CAPRIN1: variants seen among roughly 807,000 people sequenced by gnomAD.
CAPRIN1 encodes caprin-1.
In CAPRIN1, 29 loss-of-function variants were observed where a neutral mutation model predicts 100.9. That is an observed-to-expected ratio of 0.29 (90% CI 0.21 to 0.39). CAPRIN1 has a LOEUF of 0.39. Among genes scored for constraint, CAPRIN1 ranks in the 10% least tolerant of loss-of-function variants. CAPRIN1 has a pLI of 1.00. For synonymous variants in CAPRIN1, 338 were observed against 307.5 expected, an observed-to-expected ratio of 1.10 and a Z score of -1.04; for missense variants, 795 against 876.7, an observed-to-expected ratio of 0.91 and a Z score of 1.18.
At chr11:34,090,399 T>G in intron 13 of CAPRIN1, 110 bp downstream of exon 13, 3 of 1,301,448 alleles carry the variant, frequency 2.3e-6, no homozygotes, top group Non-Finnish European at 3.3e-6. Context: ...CTACTTTGCT[T>G]TCATGAAATA....
intron 9 of CAPRIN1, among the ~76,000 whole-genome samples, chr11:34,085,683 A>G (rs1327673997): frequency 3.9e-5 from 6 of 152,158 alleles, no homozygotes; most frequent in African/African-American, 1.4e-4. Flanking sequence ...GGGTGCCTGT[A>G]ATCCCAGCTA....
In CAPRIN1 at chr11:34,090,494, T is replaced by C. The variant is rs143912660; in HGVS notation, c.1405-35T>C. The C allele has an allele frequency of 6.9e-4, 1,096 of 1,599,490 alleles. 7 individuals are homozygous for C. In the African/African-American group the frequency reaches 0.013, roughly 19 times the overall value. ...ACTTTTTGTTTGGCTAAGTTTAGTT[T>C]ACCGCTAAAGTGCATCTATTCACTT... On this transcript the variant is annotated intron_variant, in intron 13 of 18. Coordinates refer to ENST00000341394, the MANE Select transcript of CAPRIN1 (RefSeq NM_005898.5).
chr11:34,089,374 A>C (rs1851220803), intron 11 of CAPRIN1, 21 bp from the exon 12 acceptor site: 2 of 1,530,272 alleles, frequency 1.3e-6, no homozygotes, highest in South Asian at 2.3e-5. Flanking sequence ...TTTGACAAAA[A>C]TGTTTTGGTC....
rs1181622030 is a variant in CAPRIN1 at position 34,101,926 on chromosome 11, C to G, written c.*2559C>G. On this transcript the variant is annotated 3_prime_UTR_variant, in exon 19 of 19. Transcript: ENST00000341394. ...TTTGTATATGCATAATATAAATCAT[C>G]TCATGTGGATATGAAACTTCTTTTT... Among the ~76,000 whole-genome samples the G allele has an allele frequency of 6.6e-6, 1 of 152,068 alleles. No individual in the cohort carries two copies. The highest frequency in any genetic ancestry group is 1.5e-5 in the Non-Finnish European group (1 of 67,986).
rs780159062 is a variant in CAPRIN1 at position 34,052,534 on chromosome 11, T to C, written c.114T>C (p.Ala38=). The change falls in exon 2 of 19, where the codon GCT becomes GCC. Residue 38 remains alanine (A), a synonymous_variant. Coordinates refer to ENST00000341394, the MANE Select transcript of CAPRIN1 (RefSeq NM_005898.5). The part of the protein sequence containing the change: ...AAAGAGAAAP[A]SQHPATGTGA... ...CGGGAGCCGGGGCCGCCGCGCCGGC[T>C]TCTCAGCACCCCGCAACCGGCACCG... 3 of 1,606,556 alleles carry C rather than the reference T, an allele frequency of 1.9e-6. No homozygotes were observed. In the Admixed American group the frequency reaches 5.1e-5, roughly 27 times the overall value.
chr11:34,097,607 A>C, intron 17 of CAPRIN1, 91 bp from the exon 18 acceptor site: 1 of 1,429,912 alleles, frequency 7.0e-7, no homozygotes, highest in Non-Finnish European at 9.8e-7. Context: ...AGATTAAGGA[A>C]GAATTCTGTA....
chr11:34,079,195 G>C (rs1850962964), intron 6 of CAPRIN1, among the ~76,000 whole-genome samples: 1 of 152,180 alleles, frequency 6.6e-6, no homozygotes, highest in Non-Finnish European at 1.5e-5. Flanking sequence ...ATCGCCTGAG[G>C]TCAGACCTTC....
At chr11:34,090,709 GTATGTAA>G (rs768519184) in intron 14 of CAPRIN1, 31 bp downstream of exon 14, 4 of 1,593,622 alleles carry the variant, frequency 2.5e-6, no homozygotes, top group Non-Finnish European at 3.4e-6. Flanking sequence ...TAATTGCCTA[GTATGTAA>G]TATGAATCAT....
At chr11:34,052,768 C>A in intron 2 of CAPRIN1, 132 bp downstream of exon 2, 2 of 1,404,022 alleles carry the variant, frequency 1.4e-6, no homozygotes, top group East Asian at 2.5e-5. Flanking sequence ...CACCCCCTGG[C>A]CCACACGCCC....
intron 2 of CAPRIN1, among the ~76,000 whole-genome samples, chr11:34,067,368 A>G (rs1850719368): frequency 6.6e-6 from 1 of 152,212 alleles, no homozygotes; most frequent in South Asian, 2.1e-4. Context: ...ATTTCCTTAC[A>G]GTAAACTCAT....
chr11:34,096,763 G>A, intron 16 of CAPRIN1, 90 bp downstream of exon 16: 3 of 943,592 alleles, frequency 3.2e-6, no homozygotes, highest in Non-Finnish European at 4.7e-6. Context: ...TTTTTGGGAA[G>A]GATGTATCTG....
chr11:34,091,876 G>GAAC (rs1851272103), intron 14 of CAPRIN1, 30 bp from the exon 15 acceptor site: 1 of 1,586,150 alleles, frequency 6.3e-7, no homozygotes. Context: ...ATAAAAGGAT[G>GAAC]AACTAATCAT....
At position 34,076,568 on chromosome 11, in the gene CAPRIN1, A is replaced by G; in HGVS notation, c.614A>G (p.Glu205Gly). 1.9e-6 allele frequency: 3 copies of G among 1,613,668 alleles called. No homozygotes were observed. Among genetic ancestry groups the G allele is most frequent in the Non-Finnish European group, 2.5e-6 (3 of 1,179,606 alleles). The stretch of plus-strand genomic sequence containing the variant: ...CTATTTACTATTAAAAGGTTGAATG[A>G]ACAGTATGAACATGCCTCCATTCAC... ...PERDMSLRLN[E>G]QYEHASIHLW... Residue 205 changes from glutamate to glycine, a missense_variant, in exon 6 of 19, where the codon GAA becomes GGA. Around this residue, in one of 3 missense-constraint regions of CAPRIN1, gnomAD observed 648 missense variants for 697.9 expected, o/e 0.93. Coordinates refer to ENST00000341394, the MANE Select transcript of CAPRIN1 (RefSeq NM_005898.5).
chr11:34,101,555 TTGAC>T lies in CAPRIN1; in HGVS notation c.*2191_*2194del, dbSNP rs994567040. ...GTGAATGTGTAAAGGTGTTCATAGT[TTGAC>T]TGTTTCTATGTATGTTTTTTCAAAG... On this transcript the variant is annotated 3_prime_UTR_variant, in exon 19 of 19. Coordinates refer to ENST00000341394, the MANE Select transcript of CAPRIN1 (RefSeq NM_005898.5). 2.6e-5 allele frequency among the ~76,000 whole-genome samples: 4 copies of T among 152,218 alleles called. No individual in the cohort carries two copies. Among genetic ancestry groups the T allele is most frequent in the African/African-American group, 9.6e-5 (4 of 41,460 alleles).
chr11:34,062,782 T>C (rs1850608674), intron 2 of CAPRIN1, among the ~76,000 whole-genome samples: 1 of 152,156 alleles, frequency 6.6e-6, no homozygotes, highest in Non-Finnish European at 1.5e-5. Flanking sequence ...ACTTTGGTTA[T>C]TTTAGGCTTC....
chr11:34,052,247 G>GCC (rs1000013866), intron 1 of CAPRIN1, 174 bp from the exon 2 acceptor site: 35 of 348,432 alleles, frequency 1.0e-4, no homozygotes, highest in South Asian at 6.6e-4. Context: ...GGCGGGTCGC[G>GCC]CGCGCGCCCG....
Position 34,096,536 on chromosome 11 carries a change from A to G in CAPRIN1, c.1763A>G (p.Gln588Arg). 6.2e-7 allele frequency: 1 copy of G among 1,614,182 alleles called. No homozygotes were observed. Among genetic ancestry groups the G allele is most frequent in the South Asian group, 1.1e-5 (1 of 91,084 alleles). The change falls in exon 16 of 19, where the codon CAG becomes CGG. Residue 588 changes from glutamine to arginine, a missense_variant. Gln to Arg is a conservative substitution (Grantham distance 43). Transcript: ENST00000341394. The stretch of plus-strand genomic sequence containing the variant: ...TCCCATCAAGTGACTGGTAACCACC[A>G]GCAGCCTCCTCAGCAGAACACTGGA... ...DQSHQVTGNH[Q>R]QPPQQNTGFP...
intron 4 of CAPRIN1, among the ~76,000 whole-genome samples, chr11:34,074,054 A>C (rs1850856957): frequency 6.6e-6 from 1 of 152,112 alleles, no homozygotes; most frequent in African/African-American, 2.4e-5. Flanking sequence ...AATAGCTCCC[A>C]AAAGGCCCAC....
intron 2 of CAPRIN1, among the ~76,000 whole-genome samples, chr11:34,068,987 A>G (rs566765218): frequency 5.5e-4 from 84 of 152,288 alleles, no homozygotes; most frequent in African/African-American, 2.0e-3. Context: ...GTATAAGTTA[A>G]TAACAGTGTT....
Sources: allele counts gnomAD v4.1 joint callset (sites outside exome capture counted in the v4.1 genomes callset), GRCh38; gene constraint gnomAD v4.1.1; regional missense constraint gnomAD v4.1.1; transcripts MANE v1.5; gene names NCBI Gene and HGNC (gene_info 2026-07-23, HGNC 2026-07-21).